Variants in FANCC observed in about 807,000 individuals in gnomAD.
FANCC encodes the protein Fanconi anemia group C protein.
FANCC carries 55 observed loss-of-function variants against 71.3 expected under a neutral mutation model. The ratio of observed to expected loss-of-function variants is 0.77; its 90% CI spans 0.62 to 0.97. FANCC has a LOEUF of 0.97. Among genes scored for constraint, FANCC ranks in the 50% least tolerant of loss-of-function variants. FANCC has a pLI of 0.00. For missense variants in FANCC, 678 were observed against 670.9 expected (o/e 1.01, Z -0.12); for synonymous variants, 275 against 244.9 (o/e 1.12, Z -1.15).
intron 11 of FANCC, among the ~76,000 whole-genome samples, chr9:95,116,739 G>A (rs1359316324): frequency 6.6e-6 from 1 of 152,192 alleles, no homozygotes; most frequent in Non-Finnish European, 1.5e-5. Context: ...AACACCAGTC[G>A]AATGAAGGCT....
Position 95,104,610 on chromosome 9 carries a change from A to G in FANCC, c.1533+2456T>C, listed in dbSNP as rs367952050. 4.6e-5 allele frequency among the ~76,000 whole-genome samples: 7 copies of G among 152,234 alleles called. No homozygotes were observed. The East Asian group carries it at 9.7e-4, about 21-fold the overall frequency. The stretch of plus-strand genomic sequence containing the variant: ...TGAGGGCGATCTGCTTTGAATGTGG[A>G]CTGAAAGTTTCCTCCGAGTAGATGG... On this transcript the variant is annotated intron_variant, in intron 14 of 14. Transcript: ENST00000289081.
intron 4 of FANCC, among the ~76,000 whole-genome samples, chr9:95,227,788 T>G (rs1377630563): frequency 6.6e-6 from 1 of 152,218 alleles, no homozygotes; most frequent in Non-Finnish European, 1.5e-5. Context: ...GTACCTAACA[T>G]TTGATTAATG....
At position 95,294,917 on chromosome 9, in the gene FANCC, C is replaced by A. The variant is rs1834279487; in HGVS notation, c.-79+22609G>T. The A allele has an allele frequency of 7.8e-6, 8 of 1,021,016 alleles. No homozygotes were observed. In the South Asian group the frequency reaches 2.2e-4, roughly 28 times the overall value. The allele number at this position is 1,021,016 out of a possible 1,614,324, so 63.2% of individuals were successfully genotyped here. A position where few individuals can be genotyped will look rare whatever the true frequency, so the allele number is the denominator to read the frequency against. ...ATTCGATTGAATGTGGCTGATGATG[C>A]AGTTGCTTAGCTTCTTTGCAGTTCT... On this transcript the variant is annotated intron_variant, in intron 1 of 14. Coordinates refer to ENST00000289081, the MANE Select transcript of FANCC (RefSeq NM_000136.3).
chr9:95,209,463 C>CA, intron 4 of FANCC, among the ~76,000 whole-genome samples: 1 of 152,262 alleles, frequency 6.6e-6, no homozygotes, highest in Non-Finnish European at 1.5e-5. Context: ...ACAGGGGAGG[C>CA]TGTGCATGTG....
chr9:95,155,286 GAAGGGGACGGAAGGGGA>G (rs1830401066), intron 6 of FANCC, among the ~76,000 whole-genome samples: 1 of 46,592 alleles, frequency 2.1e-5, no homozygotes, highest in African/African-American at 8.5e-5. Context: ...GGAGGGGAAG[GAAGGGGACGGAAGGGGA>G]GAGGAGGGGA....
chr9:95,213,337 T>C (rs1324479756), intron 4 of FANCC, among the ~76,000 whole-genome samples: 2 of 152,012 alleles, frequency 1.3e-5, no homozygotes, highest in Non-Finnish European at 2.9e-5. Flanking sequence ...TCAAAAGAGT[T>C]AGAATAGCCA....
rs1368651985 is a variant in FANCC at position 95,117,402 on chromosome 9, T to C, written c.997-12A>G. 4.3e-6 allele frequency: 7 copies of C among 1,611,658 alleles called. No homozygotes were observed. In the Admixed American group the frequency reaches 5.0e-5, roughly 12 times the overall value. On this transcript the variant is annotated splice_polypyrimidine_tract_variant and intron_variant, in intron 10 of 14. Transcript: ENST00000289081. ...AGTGCAAACCGCAGCTGCCACAGGA[T>C]GGAAAATCCAAAGAGCATGAACATT... is the stretch of plus-strand genomic sequence containing the variant.
chr9:95,248,995 T>C, intron 2 of FANCC, 132 bp downstream of exon 2: 3 of 854,306 alleles, frequency 3.5e-6, no homozygotes, highest in Non-Finnish European at 5.7e-6. Flanking sequence ...TCTTGAGTAA[T>C]TTGTCTTCCT....
chr9:95,178,196 G>A (rs1354457729), intron 4 of FANCC, among the ~76,000 whole-genome samples: 1 of 152,076 alleles, frequency 6.6e-6, no homozygotes, highest in African/African-American at 2.4e-5. Flanking sequence ...TACCCAAAGA[G>A]GCAACTCACT....
chr9:95,178,654 C>G (rs1826160509), intron 4 of FANCC, among the ~76,000 whole-genome samples: 1 of 152,212 alleles, frequency 6.6e-6, no homozygotes, highest in Non-Finnish European at 1.5e-5. Flanking sequence ...CTGTGTTTCT[C>G]CAGCTGTGGT....
intron 1 of FANCC, among the ~76,000 whole-genome samples, chr9:95,287,440 T>C (rs1290104237): frequency 6.6e-6 from 1 of 152,208 alleles, no homozygotes; most frequent in African/African-American, 2.4e-5. Context: ...ACATCATCCA[T>C]ATCAGCAGTC....
chr9:95,110,832 A>G, intron 13 of FANCC: 1 of 1,157,574 alleles, frequency 8.6e-7, no homozygotes, highest in Non-Finnish European at 1.1e-6. Context: ...GCTTCCTGTA[A>G]TTATTATATT....
intron 6 of FANCC, among the ~76,000 whole-genome samples, chr9:95,157,259 GCA>G (rs1316312946): frequency 1.3e-5 from 2 of 152,070 alleles, no homozygotes; most frequent in African/African-American, 4.8e-5. Flanking sequence ...AATTTCAGAT[GCA>G]CAGATCGCCA....
At chr9:95,275,108 C>CAA (rs532301118) in intron 1 of FANCC, among the ~76,000 whole-genome samples, 7 of 82,378 alleles carry the variant, frequency 8.5e-5, no homozygotes, top group East Asian at 3.1e-4. Context: ...CCTGTCTCTA[C>CAA]AAAAAAAAAA....
At chr9:95,170,680 T>TGTGTGTGTGTGTGTGTGTGTGTG (rs1447780657) in intron 6 of FANCC, among the ~76,000 whole-genome samples, 10 of 35,320 alleles carry the variant, frequency 2.8e-4, no homozygotes, top group Non-Finnish European at 4.9e-4. Context: ...GTGTGTGTGT[T>TGTGTGTGTGTGTGTGTGTGTGTG]GGGAGCAGAA....
At chr9:95,190,036 C>T (rs1226040874) in intron 4 of FANCC, among the ~76,000 whole-genome samples, 3 of 152,168 alleles carry the variant, frequency 2.0e-5, no homozygotes, top group Admixed American at 6.5e-5. Context: ...TCTCATCACA[C>T]CACCACCCCT....
At chr9:95,308,529 AC>A (rs1409896750) in intron 1 of FANCC, among the ~76,000 whole-genome samples, 1 of 151,040 alleles carries the variant, frequency 6.6e-6, no homozygotes. Context: ...CAAGTGATCC[AC>A]CCGCCTTGGC....
intron 1 of FANCC, among the ~76,000 whole-genome samples, chr9:95,308,037 G>A (rs1419350609): frequency 6.6e-6 from 1 of 152,166 alleles, no homozygotes; most frequent in East Asian, 1.9e-4. Flanking sequence ...ATCCATTCAT[G>A]TACATCAGTA....
chr9:95,305,058 G>A (rs1486494677), intron 1 of FANCC, among the ~76,000 whole-genome samples: 11 of 152,046 alleles, frequency 7.2e-5, no homozygotes, highest in African/African-American at 2.4e-5. Context: ...ACTGAGGATC[G>A]CTTACAAACA....
Sources: gnomAD v4.1 joint callset for allele counts (sites outside exome capture counted in the v4.1 genomes callset) on GRCh38, gnomAD v4.1.1 for gene constraint, MANE v1.5 for transcripts, NCBI Gene and HGNC (gene_info 2026-07-23, HGNC 2026-07-21) for gene names.